Variants in AFF2 observed in about 807,000 individuals in gnomAD.
The protein encoded by AFF2 is AF4/FMR2 family member 2.
Under a neutral mutation model 76.9 loss-of-function variants are expected in AFF2, and 14 were observed. The observed-to-expected ratio is 0.18, with a 90% CI of 0.12 to 0.28. AFF2 has a LOEUF of 0.28. AFF2 is among the 10% of genes least tolerant of loss of function. The pLI is 1.00. For missense variants in AFF2, 868 were observed against 1,001.1 expected (o/e 0.87, Z 1.79); for synonymous variants, 398 against 366.7 (o/e 1.09, Z -0.98).
At chrX:148,762,455 A>G (rs1328107393) in intron 3 of AFF2, among the ~76,000 whole-genome samples, 4 of 93,380 alleles carry the variant, frequency 4.3e-5, no homozygotes, top group Non-Finnish European at 6.2e-5. Flanking sequence ...AGTGATATAT[A>G]TATATTATGT....
chrX:148,710,256 G>A (rs781983307), intron 3 of AFF2, among the ~76,000 whole-genome samples: 64 of 111,501 alleles, frequency 5.7e-4, no homozygotes, highest in African/African-American at 1.8e-3. Flanking sequence ...GACAAATAAG[G>A]CTCTTAAAAT....
At chrX:148,710,944 A>G (rs1271542194) in intron 3 of AFF2, among the ~76,000 whole-genome samples, 2 of 111,680 alleles carry the variant, frequency 1.8e-5, no homozygotes, top group Non-Finnish European at 3.8e-5. Flanking sequence ...TAATACTCTT[A>G]CTGATCACCA....
chrX:148,813,797 C>T (rs1557271961), intron 4 of AFF2, among the ~76,000 whole-genome samples: 3 of 112,170 alleles, frequency 2.7e-5, no homozygotes. Context: ...ATTTCAGCTT[C>T]TGTTGTTTCC....
intron 3 of AFF2, among the ~76,000 whole-genome samples, chrX:148,678,667 A>G (rs1449186558): frequency 8.9e-6 from 1 of 112,157 alleles, no homozygotes; most frequent in Admixed American, 9.4e-5. Context: ...GCCATTTTCC[A>G]TAACCCAAAG....
chrX:148,762,023 T>C (rs1361802234), intron 3 of AFF2, among the ~76,000 whole-genome samples: 1 of 107,176 alleles, frequency 9.3e-6, no homozygotes, highest in African/African-American at 3.4e-5. Context: ...AGATATATAT[T>C]TTAGGAGAAC....
chrX:148,732,832 C>A (rs1040266941), intron 3 of AFF2, among the ~76,000 whole-genome samples: 1 of 110,615 alleles, frequency 9.0e-6, no homozygotes, highest in Admixed American at 9.6e-5. Flanking sequence ...GCTTTATGAG[C>A]AAAAGGCCCA....
At chrX:148,927,592 G>A (rs2071667253) in intron 9 of AFF2, among the ~76,000 whole-genome samples, 1 of 111,014 alleles carries the variant, frequency 9.0e-6, no homozygotes, top group African/African-American at 3.3e-5. Context: ...TGGAGGCTAG[G>A]TTAAAGGGAA....
intron 3 of AFF2, among the ~76,000 whole-genome samples, chrX:148,757,575 T>G (rs1330655143): frequency 9.0e-6 from 1 of 111,469 alleles, no homozygotes; most frequent in African/African-American, 3.3e-5. Flanking sequence ...TTAAAAATAG[T>G]CTGCATAAAA....
intron 8 of AFF2, among the ~76,000 whole-genome samples, chrX:148,899,205 T>C (rs954181939): frequency 2.7e-5 from 3 of 112,212 alleles, no homozygotes; most frequent in Non-Finnish European, 5.6e-5. Flanking sequence ...GCCTACAGGA[T>C]ACATTGTCTT....
intron 3 of AFF2, among the ~76,000 whole-genome samples, chrX:148,708,248 T>C (rs1015518362): frequency 1.2e-4 from 13 of 112,018 alleles, no homozygotes; most frequent in Non-Finnish European, 2.4e-4. Flanking sequence ...TTAACCATTC[T>C]AGAGATATTG....
At chrX:148,899,182 C>A (rs1569556808) in intron 8 of AFF2, among the ~76,000 whole-genome samples, 1 of 112,002 alleles carries the variant, frequency 8.9e-6, no homozygotes, top group Non-Finnish European at 1.9e-5. Flanking sequence ...TGCTTAATGC[C>A]AGCTGGGGTT....
At chrX:148,544,304 C>T (rs1480990565) in intron 1 of AFF2, among the ~76,000 whole-genome samples, 1 of 112,692 alleles carries the variant, frequency 8.9e-6, no homozygotes, top group Non-Finnish European at 1.9e-5. Flanking sequence ...ACCCACAAGA[C>T]ATCTTTCCTA....
rs4844077 is a variant in AFF2 at position 148,830,501 on chromosome X, G to A, written c.1087-7146G>A. 3.6e-3 allele frequency among the ~76,000 whole-genome samples: 398 copies of A among 111,737 alleles called. 2 individuals are homozygous for A. Among genetic ancestry groups the A allele is most frequent in the African/African-American group, 9.4e-3 (289 of 30,690 alleles). ...GTTCTTTTCTATTTCCGTAAGTGTC[G>A]GCCTGTCTGAGAAATAAAGGGAAAG... is the stretch of plus-strand genomic sequence containing the variant. On this transcript the variant is annotated intron_variant, in intron 4 of 20. Coordinates refer to ENST00000370460, the MANE Select transcript of AFF2 (RefSeq NM_002025.4).
At chrX:148,681,888 A>G (rs5980573) in intron 3 of AFF2, among the ~76,000 whole-genome samples, 6,747 of 110,729 alleles carry the variant, frequency 0.061, 516 homozygotes, top group African/African-American at 0.21. Flanking sequence ...CTGATGGATG[A>G]CTCAAGATTT....
chrX:148,538,756 C>A (rs2052817651), intron 1 of AFF2, among the ~76,000 whole-genome samples: 1 of 111,694 alleles, frequency 9.0e-6, no homozygotes, highest in South Asian at 3.8e-4. Flanking sequence ...GAAGACAATC[C>A]CCGTTTTACA....
intron 1 of AFF2, among the ~76,000 whole-genome samples, chrX:148,521,374 G>GCACGCA (rs2052595785): frequency 2.2e-5 from 2 of 90,921 alleles, no homozygotes; most frequent in African/African-American, 4.3e-5. Context: ...GCACGTGCAT[G>GCACGCA]CACACACACA....
At chrX:148,634,857 C>G (rs2054014894) in intron 1 of AFF2, among the ~76,000 whole-genome samples, 1 of 111,726 alleles carries the variant, frequency 9.0e-6, no homozygotes, top group Admixed American at 9.5e-5. Context: ...AGGCTCTTCC[C>G]TTCCTCACCC....
Position 148,996,309 on chromosome X carries a change from T to TA in AFF2, c.*4981dup, listed in dbSNP as rs782206791. 20 of 113,089 alleles carry TA rather than the reference T, an allele frequency of 1.8e-4. No individual in the cohort carries two copies. The East Asian group carries it at 5.0e-3, about 28-fold the overall frequency. The allele number at this position is 113,089 out of a possible 1,213,427, so 9.3% of individuals were successfully genotyped here. A position where few individuals can be genotyped will look rare whatever the true frequency, so the allele number is the denominator to read the frequency against. ...TAGCATGCAACCAGTGGTGTGCTGG[T>TA]AAAATGTTTAACAACCAGCTCGCTG... On this transcript the variant is annotated 3_prime_UTR_variant, in exon 21 of 21. Coordinates refer to ENST00000370460, the MANE Select transcript of AFF2 (RefSeq NM_002025.4).
chrX:148,777,158 G>T (rs1557268645), intron 3 of AFF2, among the ~76,000 whole-genome samples: 2 of 111,664 alleles, frequency 1.8e-5, no homozygotes, highest in Non-Finnish European at 3.8e-5. Context: ...TCAAAGTTCA[G>T]ATGGTTGTAG....
Sources: allele counts gnomAD v4.1 joint callset (sites outside exome capture counted in the v4.1 genomes callset), GRCh38; gene constraint gnomAD v4.1.1; transcripts MANE v1.5; gene names NCBI Gene and HGNC (gene_info 2026-07-23, HGNC 2026-07-21).